GRM7: variants seen among roughly 807,000 people sequenced by gnomAD.
GRM7 encodes glutamate metabotropic receptor 7.
Under a neutral mutation model 84.5 loss-of-function variants are expected in GRM7, and 35 were observed. The ratio of observed to expected loss-of-function variants is 0.41; its 90% CI spans 0.32 to 0.55. The LOEUF is 0.55. GRM7 is among the 20% of genes least tolerant of loss of function. GRM7 has a pLI of 0.19. For missense variants in GRM7, 1,003 were observed against 1,194.6 expected (o/e 0.84, Z 2.36); for synonymous variants, 487 against 455.1 (o/e 1.07, Z -0.89).
chr3:7,076,644 CA>C lies in GRM7; in HGVS notation c.520-69806del, dbSNP rs370898942. Among the ~76,000 whole-genome samples the C allele has an allele frequency of 6.5e-4, 99 of 152,170 alleles. No homozygotes were observed. The East Asian group carries it at 0.012, about 18-fold the overall frequency. ...ACTGTGACAGACTAATGCAGCACCCCAATGGAGCGCTGTAAACACTCCTTAG... is the reference window on the plus strand; with the variant it reads ...ACTGTGACAGACTAATGCAGCACCCCATGGAGCGCTGTAAACACTCCTTAG... On this transcript the variant is annotated intron_variant, in intron 1 of 9. Coordinates refer to ENST00000357716, the MANE Select transcript of GRM7 (RefSeq NM_000844.4).
intron 4 of GRM7, among the ~76,000 whole-genome samples, chr3:7,308,065 G>T (rs1345996339): frequency 6.6e-6 from 1 of 152,168 alleles, no homozygotes; most frequent in East Asian, 1.9e-4. Context: ...ACAGGGAAAT[G>T]AAGGAACAGG....
rs182443653 is a variant in GRM7, at chr3:7,225,238, T to A, written c.737-73446T>A. 1.6e-4 allele frequency among the ~76,000 whole-genome samples: 24 copies of A among 151,698 alleles called. No homozygotes were observed. The East Asian group carries it at 4.1e-3, about 26-fold the overall frequency. ...GTATCCTTCACTCATACCTTTCAAA[T>A]TGCTTTTTTAAAGACTGATACCAAT... On this transcript the variant is annotated intron_variant, in intron 2 of 9. Transcript: ENST00000357716.
intron 4 of GRM7, among the ~76,000 whole-genome samples, chr3:7,308,122 C>T (rs1294657689): frequency 1.3e-5 from 2 of 152,176 alleles, no homozygotes; most frequent in East Asian, 1.9e-4. Flanking sequence ...CACTGTCCTG[C>T]ACTCCTGCCT....
chr3:7,568,510 C>A (rs1270360093), intron 7 of GRM7, among the ~76,000 whole-genome samples: 1 of 152,254 alleles, frequency 6.6e-6, no homozygotes, highest in Non-Finnish European at 1.5e-5. Context: ...CTTGAGGAGC[C>A]CTTCAGCCTG....
intron 1 of GRM7, among the ~76,000 whole-genome samples, chr3:7,049,716 A>G (rs1482605161): frequency 6.6e-6 from 1 of 151,962 alleles, no homozygotes; most frequent in African/African-American, 2.4e-5. Flanking sequence ...CAACATAGGC[A>G]TGGGATTCAG....
At chr3:7,466,344 G>A (rs188039926) in intron 7 of GRM7, among the ~76,000 whole-genome samples, 19 of 152,228 alleles carry the variant, frequency 1.2e-4, no homozygotes, top group Non-Finnish European at 1.9e-4. Context: ...AGTTATATTC[G>A]AACTGGATCT....
chr3:6,875,826 C>A (rs1399675434), intron 1 of GRM7, among the ~76,000 whole-genome samples: 1 of 152,080 alleles, frequency 6.6e-6, no homozygotes, highest in Non-Finnish European at 1.5e-5. Context: ...AACTGGAGTT[C>A]TCTCATATTT....
rs562121127 is a variant in GRM7 at position 7,695,392 on chromosome 3, T to C, written c.2698+15097T>C. On this transcript the variant is annotated intron_variant, in intron 9 of 9. Coordinates refer to ENST00000357716, the MANE Select transcript of GRM7 (RefSeq NM_000844.4). Reference sequence around the variant, plus strand: ...AGGCAAAGTGTGTTGATACATCTTATGCAATCATTTCAAGGCACTCAGCCG... The same window carrying C: ...AGGCAAAGTGTGTTGATACATCTTACGCAATCATTTCAAGGCACTCAGCCG... Among the ~76,000 whole-genome samples the C allele has an allele frequency of 1.4e-4, 21 of 152,346 alleles. No individual in the cohort carries two copies. In the South Asian group the frequency reaches 4.1e-3, roughly 30 times the overall value.
At chr3:7,062,518 G>A (rs1216578415) in intron 1 of GRM7, among the ~76,000 whole-genome samples, 2 of 151,648 alleles carry the variant, frequency 1.3e-5, no homozygotes, top group African/African-American at 4.8e-5. Flanking sequence ...ATAAGAAGTG[G>A]TCTCTGCAAT....
chr3:6,993,510 G>C (rs138958703), intron 1 of GRM7, among the ~76,000 whole-genome samples: 102 of 152,324 alleles, frequency 6.7e-4, no homozygotes, highest in Middle Eastern at 6.8e-3. Flanking sequence ...GTGGTCTTAA[G>C]AGAGTGTAGA....
chr3:7,411,756 C>A (rs1369724181), intron 4 of GRM7, among the ~76,000 whole-genome samples: 1 of 152,178 alleles, frequency 6.6e-6, no homozygotes, highest in Non-Finnish European at 1.5e-5. Context: ...TACCACACTA[C>A]ACATTCTTGA....
chr3:7,463,591 A>C (rs982939713), intron 7 of GRM7, among the ~76,000 whole-genome samples: 9 of 152,142 alleles, frequency 5.9e-5, no homozygotes, highest in African/African-American at 2.2e-4. Context: ...ACAGATATGT[A>C]CATGGAAATT....
intron 4 of GRM7, among the ~76,000 whole-genome samples, chr3:7,372,987 G>A (rs1033800174): frequency 2.0e-5 from 3 of 151,990 alleles, no homozygotes; most frequent in Non-Finnish European, 2.9e-5. Flanking sequence ...AGTTCAAGTT[G>A]CCATTTAGAA....
chr3:6,990,214 C>G (rs1694583289), intron 1 of GRM7, among the ~76,000 whole-genome samples: 1 of 150,644 alleles, frequency 6.6e-6, no homozygotes, highest in Non-Finnish European at 1.5e-5. Flanking sequence ...TATTTTTTCC[C>G]AAATCTTGGA....
chr3:7,012,169 A>C (rs1265780698), intron 1 of GRM7, among the ~76,000 whole-genome samples: 1 of 152,114 alleles, frequency 6.6e-6, no homozygotes, highest in Non-Finnish European at 1.5e-5. Flanking sequence ...GCCCAGGAGA[A>C]TCCTGTACAT....
At chr3:7,045,052 G>T (rs1696754936) in intron 1 of GRM7, among the ~76,000 whole-genome samples, 1 of 152,158 alleles carries the variant, frequency 6.6e-6, no homozygotes, top group Admixed American at 6.6e-5. Flanking sequence ...TAGTGTAGAA[G>T]ATTCTGTGTT....
chr3:7,485,280 C>T (rs991983758), intron 7 of GRM7, among the ~76,000 whole-genome samples: 13 of 152,132 alleles, frequency 8.5e-5, no homozygotes, highest in African/African-American at 2.9e-4. Flanking sequence ...ACTAATATGC[C>T]TTCATTTAAG....
In GRM7 at chr3:7,377,957, A is replaced by G. The variant is rs182551767; in HGVS notation, c.1034-37066A>G. 1.2e-3 allele frequency among the ~76,000 whole-genome samples: 184 copies of G among 152,300 alleles called. 3 individuals carry two copies. In the East Asian group the frequency reaches 0.018, roughly 15 times the overall value. On this transcript the variant is annotated intron_variant, in intron 4 of 9. Coordinates refer to ENST00000357716, the MANE Select transcript of GRM7 (RefSeq NM_000844.4). ...AGCTGACACGGTGGTTCTCAGTCAC[A>G]TGGAACTTCTGTGCCTTTCATTTCC... is the stretch of plus-strand genomic sequence containing the variant.
intron 1 of GRM7, among the ~76,000 whole-genome samples, chr3:7,137,831 C>T (rs945511699): frequency 1.3e-5 from 2 of 152,010 alleles, no homozygotes; most frequent in Non-Finnish European, 2.9e-5. Context: ...GCCATATAGA[C>T]TCCTGGAGAA....
Sources: gnomAD v4.1 joint callset for allele counts (sites outside exome capture counted in the v4.1 genomes callset) on GRCh38, gnomAD v4.1.1 for gene constraint, MANE v1.5 for transcripts, NCBI Gene and HGNC (gene_info 2026-07-23, HGNC 2026-07-21) for gene names.